Variants in SLC8A3 observed in about 807,000 individuals in gnomAD.
SLC8A3 encodes sodium/calcium exchanger 3.
Under a neutral mutation model 65.4 loss-of-function variants are expected in SLC8A3, and 37 were observed. That is an observed-to-expected ratio of 0.57 (90% CI 0.44 to 0.74). The LOEUF (loss-of-function observed/expected upper bound fraction) is 0.74, where lower values mean the gene tolerates loss of function less well. Ranked by LOEUF, SLC8A3 falls within the 30% of genes least tolerant of loss-of-function variation. The pLI, the probability that SLC8A3 is intolerant of heterozygous loss-of-function variation, is 0.00. For synonymous variants in SLC8A3, 461 were observed against 444.5 expected (o/e 1.04, Z -0.47); for missense variants, 1,112 against 1,172.1 (o/e 0.95, Z 0.75).
chr14:70,121,996 G>A lies in SLC8A3; in HGVS notation c.1784+44643C>T, dbSNP rs77500238. On this transcript the variant is annotated intron_variant, in intron 2 of 6. Coordinates refer to ENST00000356921, the MANE Select transcript of SLC8A3 (RefSeq NM_182932.3). The stretch of plus-strand genomic sequence containing the variant: ...ATTCACTCCAAATGATTATGGAGTG[G>A]CTCCATATTTAAGAATTCAGACTCA... 1.6e-3 allele frequency among the ~76,000 whole-genome samples: 243 copies of A among 152,138 alleles called. 4 individuals are homozygous for A. In the East Asian group the frequency reaches 0.04, roughly 25 times the overall value.
chr14:70,091,871 T>C (rs60473147), intron 2 of SLC8A3, among the ~76,000 whole-genome samples: 6,322 of 152,284 alleles, frequency 0.042, 444 homozygotes, highest in African/African-American at 0.15. Flanking sequence ...CTATTTTAAA[T>C]GTACATGAAA....
chr14:70,091,162 A>G (rs971549146), intron 2 of SLC8A3, among the ~76,000 whole-genome samples: 1 of 152,264 alleles, frequency 6.6e-6, no homozygotes, highest in Non-Finnish European at 1.5e-5. Flanking sequence ...CAAGCCCAGC[A>G]TGGCACTGAG....
intron 3 of SLC8A3, among the ~76,000 whole-genome samples, chr14:70,054,344 C>A (rs777671072): frequency 2.6e-5 from 4 of 152,080 alleles, no homozygotes; most frequent in Non-Finnish European, 5.9e-5. Flanking sequence ...AGATTTCCAA[C>A]GAATTGAAAG....
At chr14:70,176,655 G>C (rs1280550636) in intron 1 of SLC8A3, among the ~76,000 whole-genome samples, 3 of 152,180 alleles carry the variant, frequency 2.0e-5, no homozygotes, top group Admixed American at 6.5e-5. Flanking sequence ...CTATGCGCTG[G>C]ACAAACATCT....
chr14:70,125,358 A>G (rs539350325), intron 2 of SLC8A3, among the ~76,000 whole-genome samples: 2 of 151,048 alleles, frequency 1.3e-5, no homozygotes, highest in East Asian at 2.0e-4. Context: ...TCCAATGTCT[A>G]TTATTCCACA....
At chr14:70,055,128 G>A (rs1353773779) in intron 3 of SLC8A3, among the ~76,000 whole-genome samples, 10 of 152,212 alleles carry the variant, frequency 6.6e-5, no homozygotes. Context: ...GATTCTGCAT[G>A]AGAATCTCTT....
At chr14:70,088,268 C>T (rs922889591) in intron 2 of SLC8A3, among the ~76,000 whole-genome samples, 1 of 152,302 alleles carries the variant, frequency 6.6e-6, no homozygotes, top group African/African-American at 2.4e-5. Flanking sequence ...ACTAACAAAG[C>T]CCCTTATCTA....
chr14:70,186,853 C>A (rs1253004685), intron 1 of SLC8A3, among the ~76,000 whole-genome samples: 1 of 152,180 alleles, frequency 6.6e-6, no homozygotes, highest in African/African-American at 2.4e-5. Flanking sequence ...AAGCCAAGAG[C>A]CCATAAAGGG....
chr14:70,136,431 A>G (rs1895205297), intron 2 of SLC8A3, among the ~76,000 whole-genome samples: 1 of 152,148 alleles, frequency 6.6e-6, no homozygotes, highest in African/African-American at 2.4e-5. Flanking sequence ...AGCCTGCGTG[A>G]TAAGGCTCCT....
chr14:70,161,116 T>C (rs1306758976), intron 2 of SLC8A3, among the ~76,000 whole-genome samples: 1 of 141,268 alleles, frequency 7.1e-6, no homozygotes, highest in Admixed American at 7.1e-5. Flanking sequence ...TAGCCGGACG[T>C]GGTGGTATAT....
intron 2 of SLC8A3, among the ~76,000 whole-genome samples, chr14:70,082,396 G>A (rs1891114446): frequency 6.6e-6 from 1 of 152,110 alleles, no homozygotes; most frequent in African/African-American, 2.4e-5. Context: ...GCCTGCTCTG[G>A]CAGGAGATTG....
chr14:70,059,911 T>G (rs1888589271), intron 3 of SLC8A3, among the ~76,000 whole-genome samples: 1 of 152,200 alleles, frequency 6.6e-6, no homozygotes, highest in East Asian at 1.9e-4. Context: ...TACCTGGAAC[T>G]ATTTCCTTCC....
At chr14:70,150,848 G>A (rs1459893092) in intron 2 of SLC8A3, among the ~76,000 whole-genome samples, 1 of 152,178 alleles carries the variant, frequency 6.6e-6, no homozygotes, top group East Asian at 1.9e-4. Context: ...ACTATACAGT[G>A]GGTCCTTGTT....
intron 4 of SLC8A3, among the ~76,000 whole-genome samples, chr14:70,051,581 G>C (rs538927378): frequency 9.9e-5 from 15 of 152,248 alleles, no homozygotes; most frequent in African/African-American, 3.4e-4. Context: ...GATTACAGGC[G>C]TGAGTCCCTC....
chr14:70,088,136 A>C (rs1023044181), intron 2 of SLC8A3, among the ~76,000 whole-genome samples: 1 of 152,248 alleles, frequency 6.6e-6, no homozygotes, highest in African/African-American at 2.4e-5. Flanking sequence ...ATGAATACTG[A>C]GGCACTGAAA....
At position 70,147,072 on chromosome 14, in the gene SLC8A3, C is replaced by T. The variant is rs1200514990; in HGVS notation, c.1784+19567G>A. Among the ~76,000 whole-genome samples the T allele has an allele frequency of 2.0e-5, 3 of 152,282 alleles. No homozygotes were observed. In the East Asian group the frequency reaches 5.8e-4, roughly 29 times the overall value. Reference sequence around the variant, plus strand: ...TTCACTCATTCGGAGTTTGTGCTAACTTTATGGAACATAACTGCTATGAAT... The same window carrying T: ...TTCACTCATTCGGAGTTTGTGCTAATTTTATGGAACATAACTGCTATGAAT... On this transcript the variant is annotated intron_variant, in intron 2 of 6. Coordinates refer to ENST00000356921, the MANE Select transcript of SLC8A3 (RefSeq NM_182932.3).
chr14:70,136,200 C>T (rs1895188511), intron 2 of SLC8A3, among the ~76,000 whole-genome samples: 1 of 152,178 alleles, frequency 6.6e-6, no homozygotes, highest in Non-Finnish European at 1.5e-5. Flanking sequence ...GTCACCCAGC[C>T]CAGGATTGCT....
rs868301843 is a variant in SLC8A3 at position 70,168,032 on chromosome 14, C to T, written c.391G>A (p.Glu131Lys). The part of the protein sequence containing the change: ...TSTTTIRVWN[E>K]TVSNLTLMAL... ...ATAAGGGTCAGGTTGGAGACAGTTTCATTCCAGACCCGAATAGTGGTTGTG... is the reference window on the plus strand; with the variant it reads ...ATAAGGGTCAGGTTGGAGACAGTTTTATTCCAGACCCGAATAGTGGTTGTG... The change falls in exon 2 of 7, where the codon GAA (glutamate) becomes AAA (lysine). Residue 131 changes from glutamate (E) to lysine (K), a missense_variant. Glu to Lys is a moderately conservative substitution (Grantham distance 56). Transcript: ENST00000356921. 6.2e-7 allele frequency: 1 copy of T among 1,614,142 alleles called. No individual in the cohort carries two copies. Among genetic ancestry groups the T allele is most frequent in the Non-Finnish European group, 8.5e-7 (1 of 1,180,032 alleles).
In SLC8A3 at chr14:70,076,273, A is replaced by C. The variant is rs149743978; in HGVS notation, c.1785-15334T>G. On this transcript the variant is annotated intron_variant, in intron 2 of 6. Transcript: ENST00000356921. Reference sequence around the variant, plus strand: ...GTCTGCCCGGTCTGCTTGGCCCTCCAGCTACTCTCCATCATATCTGTTTCC... The same window carrying C: ...GTCTGCCCGGTCTGCTTGGCCCTCCCGCTACTCTCCATCATATCTGTTTCC... 7.9e-5 allele frequency among the ~76,000 whole-genome samples: 12 copies of C among 152,136 alleles called. No individual in the cohort carries two copies. The East Asian group carries it at 2.3e-3, about 29-fold the overall frequency.
Sources: allele counts gnomAD v4.1 joint callset (sites outside exome capture counted in the v4.1 genomes callset), GRCh38; gene constraint gnomAD v4.1.1; transcripts MANE v1.5; gene names NCBI Gene and HGNC (gene_info 2026-07-23, HGNC 2026-07-21).